The following KIF11 variants were observed in gnomAD, a reference collection of about 807,000 sequenced individuals.
The protein encoded by KIF11 is kinesin family member 11, also known as kinesin-like protein KIF11.
KIF11 carries 9 observed loss-of-function variants against 121.0 expected under a neutral mutation model. That is an observed-to-expected ratio of 0.07 (90% CI 0.04 to 0.13). The LOEUF (loss-of-function observed/expected upper bound fraction) is 0.13. Among genes scored for constraint, KIF11 ranks in the 10% least tolerant of loss-of-function variants. The pLI is 1.00. For missense variants in KIF11, 846 were observed against 1,217.5 expected (o/e 0.69, Z 4.54); for synonymous variants, 408 against 421.0 (o/e 0.97, Z 0.38).
At chr10:92,651,985 A>AT (rs1554863456) in intron 21 of KIF11, among the ~76,000 whole-genome samples, 5 of 127,946 alleles carry the variant, frequency 3.9e-5, no homozygotes, top group African/African-American at 1.5e-4. Flanking sequence ...TTTTTTTTTA[A>AT]ATATATATAG....
At chr10:92,651,150 C>T (rs1378286193) in intron 21 of KIF11, among the ~76,000 whole-genome samples, 4 of 151,900 alleles carry the variant, frequency 2.6e-5, no homozygotes, top group South Asian at 4.1e-4. Flanking sequence ...CTCAGCCTCC[C>T]GGGTAGCTAG....
intron 18 of KIF11, 104 bp downstream of exon 18, chr10:92,645,746 T>A: frequency 2.2e-6 from 2 of 914,376 alleles, no homozygotes; most frequent in Non-Finnish European, 3.3e-6. Context: ...TTTTAAGCTA[T>A]AATGACTTAA....
intron 8 of KIF11, among the ~76,000 whole-genome samples, chr10:92,614,078 A>G (rs1315900741): frequency 6.7e-6 from 1 of 150,098 alleles, no homozygotes; most frequent in Non-Finnish European, 1.5e-5. Context: ...ATAGTAGGGA[A>G]AAAAAGTTCA....
chr10:92,618,286 T>C (rs1844580964), intron 9 of KIF11, among the ~76,000 whole-genome samples: 1 of 151,754 alleles, frequency 6.6e-6, no homozygotes, highest in South Asian at 2.1e-4. Context: ...ATGTTTTTTT[T>C]TTTTTTAAAT....
At chr10:92,597,162 T>G (rs527846247) in intron 1 of KIF11, 12 of 269,520 alleles carry the variant, frequency 4.5e-5, no homozygotes, top group Non-Finnish European at 9.0e-5. Context: ...TCACTTCTCC[T>G]GATGCCAAAG....
chr10:92,635,712 C>G (rs1264919045), intron 14 of KIF11, among the ~76,000 whole-genome samples: 1 of 152,180 alleles, frequency 6.6e-6, no homozygotes, highest in Non-Finnish European at 1.5e-5. Flanking sequence ...TAGACGTGCT[C>G]AAGGTAGGGT....
intron 1 of KIF11, among the ~76,000 whole-genome samples, chr10:92,596,512 A>T (rs1234417018): frequency 1.3e-5 from 2 of 150,036 alleles, no homozygotes; most frequent in Non-Finnish European, 3.0e-5. Context: ...ATTTCTCCAC[A>T]TCCTCACCAA....
chr10:92,605,764 G>A (rs544934165), intron 1 of KIF11, among the ~76,000 whole-genome samples: 229 of 152,306 alleles, frequency 1.5e-3, no homozygotes, highest in Non-Finnish European at 2.2e-3. Context: ...GGGATTACAG[G>A]CGTGAGCCAC....
chr10:92,625,983 G>A (rs1487349831), intron 10 of KIF11, among the ~76,000 whole-genome samples: 1 of 152,146 alleles, frequency 6.6e-6, no homozygotes, highest in Non-Finnish European at 1.5e-5. Context: ...AATCAATATT[G>A]TTAAAATGGC....
intron 1 of KIF11, among the ~76,000 whole-genome samples, chr10:92,594,865 A>T (rs1333453620): frequency 6.9e-6 from 1 of 145,368 alleles, no homozygotes; most frequent in Non-Finnish European, 1.5e-5. Context: ...ATTTTTGTGT[A>T]AAGAGATTTT....
At position 92,655,206 on chromosome 10, in the gene KIF11, A is replaced by G. The variant is rs951122377; in HGVS notation, c.*1410A>G. On this transcript the variant is annotated 3_prime_UTR_variant, in exon 22 of 22. Coordinates refer to ENST00000260731, the MANE Select transcript of KIF11 (RefSeq NM_004523.4). ...AGAGACATCTGACTTTGATAGCTAA[A>G]TTAAACCAAACCCTATTGAAGAATT... The G allele has an allele frequency of 1.3e-5, 2 of 152,516 alleles. No homozygotes were observed. The highest frequency in any genetic ancestry group is 2.9e-5 in the Non-Finnish European group (2 of 68,044). 9.4% of individuals were successfully genotyped at this position (152,516 alleles called of 1,614,324 possible).
chr10:92,653,755 A>G lies in KIF11; in HGVS notation c.3130A>G (p.Thr1044Ala). 6.2e-7 allele frequency: 1 copy of G among 1,614,094 alleles called. No individual in the cohort carries two copies. The highest frequency in any genetic ancestry group is 8.5e-7 in the Non-Finnish European group (1 of 1,179,928). Reference sequence around the variant, plus strand: ...GGAAGAAACTACAGAGCACTTGGTTACAAAGAGCAGATTACCTCTGCGAGC... The same window carrying G: ...GGAAGAAACTACAGAGCACTTGGTTGCAAAGAGCAGATTACCTCTGCGAGC... ...KVEETTEHLVTKSRLPLRAQI... is the reference protein window; with the variant it reads ...KVEETTEHLVAKSRLPLRAQI... The change falls in exon 22 of 22, where the codon ACA (threonine) becomes GCA (alanine). Residue 1044 changes from threonine (T) to alanine (A), a missense_variant. This residue lies in a region of KIF11 where 492 missense variants were observed against 603.4 expected (regional missense o/e 0.82). Coordinates refer to ENST00000260731, the MANE Select transcript of KIF11 (RefSeq NM_004523.4).
At position 92,621,448 on chromosome 10, in the gene KIF11, G is replaced by C; in HGVS notation, c.1192G>C (p.Val398Leu). 1 of 1,612,470 alleles carries C rather than the reference G, an allele frequency of 6.2e-7. No homozygotes were observed. The highest frequency in any genetic ancestry group is 8.5e-7 in the Non-Finnish European group (1 of 1,178,644). ...TGCTGCAGCCCGTGAGAAAAATGGA[G>C]TGTATATTTCTGAAGAAAATTTTAG... is the stretch of plus-strand genomic sequence containing the variant. ...DLAAAREKNG[V>L]YISEENFRVM... The change falls in exon 10 of 22, where the codon GTG (valine) becomes CTG (leucine). Residue 398 changes from valine (V) to leucine (L), a missense_variant. Val to Leu is a conservative substitution (Grantham distance 32). Transcript: ENST00000260731.
At chr10:92,653,624 T>C (rs1365517068) in intron 21 of KIF11, 41 bp from the exon 22 acceptor site, 1 of 1,576,610 alleles carries the variant, frequency 6.3e-7, no homozygotes, top group Admixed American at 1.8e-5. Context: ...GTATCTAATG[T>C]TACTTTGTAT....
chr10:92,633,575 A>C, intron 13 of KIF11, 48 bp from the exon 14 acceptor site: 1 of 1,302,702 alleles, frequency 7.7e-7, no homozygotes, highest in Non-Finnish European at 1.1e-6. Flanking sequence ...AACGGTATTT[A>C]ATATATTTAT....
At chr10:92,652,124 T>G (rs936599374) in intron 21 of KIF11, among the ~76,000 whole-genome samples, 2 of 151,792 alleles carry the variant, frequency 1.3e-5, no homozygotes, top group Non-Finnish European at 1.5e-5. Context: ...TGTACCTTTT[T>G]TGTGTGTATG....
At position 92,655,029 on chromosome 10, in the gene KIF11, C is replaced by T. The variant is rs183803262; in HGVS notation, c.*1233C>T. 3 of 152,708 alleles carry T rather than the reference C, an allele frequency of 2.0e-5. No individual in the cohort carries two copies. Among genetic ancestry groups the T allele is most frequent in the Admixed American group, 6.5e-5 (1 of 15,306 alleles). The allele number at this position is 152,708 out of a possible 1,614,324, so 9.5% of individuals were successfully genotyped here. ...ACAATGTGTACATGTATCTTTTTCT[C>T]GATTCAAATCTTAACCCTTAGGACT... On this transcript the variant is annotated 3_prime_UTR_variant, in exon 22 of 22. Coordinates refer to ENST00000260731, the MANE Select transcript of KIF11 (RefSeq NM_004523.4).
rs1564706204 is a variant in KIF11 at position 92,612,027 on chromosome 10, T to C, written c.699-1013T>C. Among the ~76,000 whole-genome samples the C allele has an allele frequency of 2.6e-5, 4 of 152,320 alleles. No individual in the cohort carries two copies. The South Asian group carries it at 6.2e-4, about 24-fold the overall frequency. On this transcript the variant is annotated intron_variant, in intron 6 of 21. Transcript: ENST00000260731. ...ACATAATAATGTTCACCAAATGCCATTGGATACAGAAAGAATGTCTTTGGT... is the reference window on the plus strand; with the variant it reads ...ACATAATAATGTTCACCAAATGCCACTGGATACAGAAAGAATGTCTTTGGT...
rs550915601 is a variant in KIF11, at chr10:92,637,323, T to C, written c.2001+14T>C. The C allele has an allele frequency of 4.7e-5, 74 of 1,587,918 alleles. No homozygotes were observed. In the South Asian group the frequency reaches 8.4e-4, roughly 18 times the overall value. ...GTGGCCGATAAGGTAACAAATGCTA[T>C]GTTCTTAATATCTCAAAATTGATGT... On this transcript the variant is annotated intron_variant, in intron 15 of 21. Transcript: ENST00000260731.
Sources: allele counts gnomAD v4.1 joint callset (sites outside exome capture counted in the v4.1 genomes callset), GRCh38; gene constraint gnomAD v4.1.1; regional missense constraint gnomAD v4.1.1; transcripts MANE v1.5; gene names NCBI Gene and HGNC (gene_info 2026-07-23, HGNC 2026-07-21).